Variants in ZFHX3 observed in about 807,000 individuals in gnomAD.
The protein encoded by ZFHX3 is zinc finger homeobox protein 3.
Under a neutral mutation model 279.1 loss-of-function variants are expected in ZFHX3, and 42 were observed. That is an observed-to-expected ratio of 0.15 (90% CI 0.12 to 0.19). The LOEUF (loss-of-function observed/expected upper bound fraction) is 0.19, where lower values mean the gene tolerates loss of function less well. Among genes scored for constraint, ZFHX3 ranks in the 10% least tolerant of loss-of-function variants. The pLI is 1.00. For missense variants in ZFHX3, 4,981 were observed against 4,754.0 expected (o/e 1.05, Z -1.40); for synonymous variants, 2,293 against 1,957.8 (o/e 1.17, Z -4.52).
chr16:73,303,642 A>T (rs1258552833), intron 4 of ZFHX3, among the ~76,000 whole-genome samples: 1 of 152,138 alleles, frequency 6.6e-6, no homozygotes, highest in African/African-American at 2.4e-5. Flanking sequence ...CAAACCAAAA[A>T]CCTACCTTCC....
chr16:73,313,288 C>G (rs2015370386), intron 4 of ZFHX3, among the ~76,000 whole-genome samples: 1 of 151,682 alleles, frequency 6.6e-6, no homozygotes, highest in Non-Finnish European at 1.5e-5. Flanking sequence ...ACCTTTTTTT[C>G]CTTATAAATT....
chr16:72,985,715 A>T (rs190573121), intron 1 of ZFHX3, among the ~76,000 whole-genome samples: 365 of 152,260 alleles, frequency 2.4e-3, no homozygotes, highest in Admixed American at 4.1e-3. Context: ...ACGCTCTCAG[A>T]TACAAGCTGT....
chr16:72,830,118 T>C (rs373450056), intron 4 of ZFHX3, among the ~76,000 whole-genome samples: 2 of 152,334 alleles, frequency 1.3e-5, no homozygotes, highest in East Asian at 1.9e-4. Flanking sequence ...TATTTCCAGA[T>C]AGATTCTGAA....
intron 3 of ZFHX3, among the ~76,000 whole-genome samples, chr16:72,921,166 G>A (rs906171924): frequency 4.0e-5 from 6 of 150,850 alleles, no homozygotes; most frequent in Middle Eastern, 3.5e-3. Context: ...ACTTAAGGAC[G>A]GAGCTCATTT....
intron 1 of ZFHX3, among the ~76,000 whole-genome samples, chr16:72,960,717 C>T (rs1238791216): frequency 6.6e-6 from 1 of 152,142 alleles, no homozygotes; most frequent in Non-Finnish European, 1.5e-5. Flanking sequence ...TGGGATAACG[C>T]TCATGGATTT....
At chr16:73,147,472 C>G (rs1412888018) in intron 5 of ZFHX3, among the ~76,000 whole-genome samples, 5 of 151,684 alleles carry the variant, frequency 3.3e-5, no homozygotes, top group African/African-American at 1.2e-4. Flanking sequence ...GCGGGCGGAT[C>G]ACGAGGTCAG....
chr16:73,440,835 C>A (rs2018079757), intron 3 of ZFHX3, among the ~76,000 whole-genome samples: 1 of 152,206 alleles, frequency 6.6e-6, no homozygotes, highest in African/African-American at 2.4e-5. Flanking sequence ...CTCTGTTTTC[C>A]TATCATCTGC....
chr16:72,860,907 T>A (rs1241489809), intron 4 of ZFHX3, among the ~76,000 whole-genome samples: 1 of 152,252 alleles, frequency 6.6e-6, no homozygotes, highest in Non-Finnish European at 1.5e-5. Flanking sequence ...GGTCTGACAG[T>A]TAAAAATAAT....
intron 7 of ZFHX3, among the ~76,000 whole-genome samples, chr16:73,109,300 T>G (rs1966342219): frequency 6.6e-6 from 1 of 152,224 alleles, no homozygotes; most frequent in Non-Finnish European, 1.5e-5. Context: ...TTGCTTTTTT[T>G]TCACCCAACA....
At chr16:73,648,500 C>T (rs2052641343) in intron 2 of ZFHX3, among the ~76,000 whole-genome samples, 1 of 152,224 alleles carries the variant, frequency 6.6e-6, no homozygotes, top group Non-Finnish European at 1.5e-5. Flanking sequence ...AGTGATTCTC[C>T]TGCTTCAGCC....
intron 2 of ZFHX3, among the ~76,000 whole-genome samples, chr16:73,674,595 C>G (rs916017255): frequency 6.6e-6 from 1 of 152,176 alleles, no homozygotes; most frequent in African/African-American, 2.4e-5. Context: ...TGTATCCATG[C>G]CCTTGCAATA....
At chr16:73,720,305 T>C (rs59838904) in intron 1 of ZFHX3, among the ~76,000 whole-genome samples, 2,273 of 152,304 alleles carry the variant, frequency 0.015, 59 homozygotes, top group African/African-American at 0.052. Flanking sequence ...TTTGGCAATA[T>C]ACTTCAGTGT....
At chr16:73,849,819 A>G (rs746213003) in intron 1 of ZFHX3, among the ~76,000 whole-genome samples, 3 of 151,920 alleles carry the variant, frequency 2.0e-5, no homozygotes, top group Non-Finnish European at 2.9e-5. Context: ...TGCAACCTCC[A>G]CCTCCCAGGT....
chr16:72,891,027 A>G (rs1414609054), intron 3 of ZFHX3, among the ~76,000 whole-genome samples: 6 of 152,250 alleles, frequency 3.9e-5, no homozygotes, highest in Non-Finnish European at 8.8e-5. Flanking sequence ...CGGAGCTGGT[A>G]TCTGGCTTTT....
chr16:73,580,138 A>G (rs2051844375), intron 2 of ZFHX3, among the ~76,000 whole-genome samples: 1 of 151,696 alleles, frequency 6.6e-6, no homozygotes, highest in Non-Finnish European at 1.5e-5. Flanking sequence ...GTGATCATAT[A>G]ATTTTATAAT....
intron 1 of ZFHX3, among the ~76,000 whole-genome samples, chr16:73,758,574 C>A (rs1163863328): frequency 6.6e-6 from 1 of 152,146 alleles, no homozygotes; most frequent in Non-Finnish European, 1.5e-5. Context: ...GGATAGCCCA[C>A]CCAAAATTCA....
intron 5 of ZFHX3, among the ~76,000 whole-genome samples, chr16:73,212,806 T>C (rs982463566): frequency 2.0e-5 from 3 of 152,160 alleles, no homozygotes; most frequent in African/African-American, 4.8e-5. Context: ...AGACTTTGAG[T>C]CTCAGGGTCA....
chr16:73,455,793 A>G (rs2143569385), intron 3 of ZFHX3, among the ~76,000 whole-genome samples: 1 of 151,506 alleles, frequency 6.6e-6, no homozygotes, highest in South Asian at 2.1e-4. Flanking sequence ...TTATTTCTAC[A>G]GAAGGAATCT....
chr16:72,873,276 G>A (rs2038212105), intron 4 of ZFHX3, among the ~76,000 whole-genome samples: 1 of 152,142 alleles, frequency 6.6e-6, no homozygotes, highest in South Asian at 2.1e-4. Context: ...AGCTCAACAT[G>A]CCCTAATGTT....
Sources: gnomAD v4.1 joint callset for allele counts (sites outside exome capture counted in the v4.1 genomes callset) on GRCh38, gnomAD v4.1.1 for gene constraint, MANE v1.5 for transcripts, NCBI Gene and HGNC (gene_info 2026-07-23, HGNC 2026-07-21) for gene names.